Variants in ARMH3 observed in about 807,000 individuals in gnomAD.
ARMH3 encodes armadillo like helical domain containing 3, also known as armadillo-like helical domain-containing protein 3.
In ARMH3, 60 loss-of-function variants were observed where a neutral mutation model predicts 99.1. That is an observed-to-expected ratio of 0.61 (90% CI 0.49 to 0.75). The LOEUF is 0.75. Ranked by LOEUF, ARMH3 falls within the 30% of genes least tolerant of loss-of-function variation. The pLI, the probability that ARMH3 is intolerant of heterozygous loss-of-function variation, is 0.00. For synonymous variants in ARMH3, 285 were observed against 292.8 expected, an observed-to-expected ratio of 0.97 and a Z score of 0.27; for missense variants, 679 against 843.1, an observed-to-expected ratio of 0.81 and a Z score of 2.41.
chr10:101,916,093 A>T (rs1843076528), intron 23 of ARMH3, among the ~76,000 whole-genome samples: 1 of 152,086 alleles, frequency 6.6e-6, no homozygotes, highest in Non-Finnish European at 1.5e-5. Context: ...GTGAGCCAGC[A>T]CGCCTGGCCT....
chr10:101,849,972 G>A, intron 24 of ARMH3, 80 bp from the exon 25 acceptor site: 1 of 1,306,700 alleles, frequency 7.7e-7, no homozygotes, highest in Non-Finnish European at 1.1e-6. Flanking sequence ...GATCTACTGG[G>A]TTGGGTTTGG....
At chr10:102,031,705 G>C (rs1275016430) in intron 4 of ARMH3, among the ~76,000 whole-genome samples, 1 of 152,132 alleles carries the variant, frequency 6.6e-6, no homozygotes, top group Admixed American at 6.5e-5. Flanking sequence ...TCTATCACAA[G>C]TTCCAATAAA....
chr10:101,925,326 C>A (rs577806763), intron 23 of ARMH3, among the ~76,000 whole-genome samples: 2 of 152,264 alleles, frequency 1.3e-5, no homozygotes, highest in African/African-American at 4.8e-5. Flanking sequence ...TCACTGAATG[C>A]TTATTTGGTA....
intron 12 of ARMH3, 92 bp downstream of exon 12, chr10:102,009,885 G>T: frequency 8.3e-7 from 1 of 1,211,192 alleles, no homozygotes. Context: ...TTCTGTAAAA[G>T]ATTAGCAAGA....
intron 19 of ARMH3, among the ~76,000 whole-genome samples, chr10:101,979,461 C>T (rs1031368908): frequency 6.6e-6 from 1 of 152,040 alleles, no homozygotes; most frequent in Non-Finnish European, 1.5e-5. Flanking sequence ...TTTTTGTAGA[C>T]ATGGGTTATC....
At chr10:101,883,375 C>T (rs1185578431) in intron 24 of ARMH3, among the ~76,000 whole-genome samples, 1 of 151,938 alleles carries the variant, frequency 6.6e-6, no homozygotes, top group Non-Finnish European at 1.5e-5. Flanking sequence ...AATGATCACT[C>T]CATGCACTCC....
intron 23 of ARMH3, among the ~76,000 whole-genome samples, chr10:101,906,936 A>T (rs1842656643): frequency 6.6e-6 from 1 of 152,220 alleles, no homozygotes; most frequent in Admixed American, 6.5e-5. Context: ...TAGGAAAAAA[A>T]CAGTCACTTA....
intron 14 of ARMH3, among the ~76,000 whole-genome samples, chr10:102,003,168 T>C (rs1032543682): frequency 6.6e-6 from 1 of 151,670 alleles, no homozygotes; most frequent in African/African-American, 2.4e-5. Flanking sequence ...AACACAGTAT[T>C]TTCTTTTTTT....
intron 21 of ARMH3, 152 bp downstream of exon 21, chr10:101,957,498 G>A: frequency 1.4e-6 from 1 of 739,462 alleles, no homozygotes; most frequent in Non-Finnish European, 2.1e-6. Context: ...GTGAGAGTGG[G>A]GACCACCAGT....
chr10:101,927,890 T>C (rs1055972098), intron 23 of ARMH3, among the ~76,000 whole-genome samples: 3 of 152,076 alleles, frequency 2.0e-5, no homozygotes, highest in African/African-American at 4.8e-5. Context: ...CTGGCCAACA[T>C]AGTGAAACCC....
chr10:101,930,573 C>T (rs991657159), intron 23 of ARMH3, among the ~76,000 whole-genome samples: 4 of 152,156 alleles, frequency 2.6e-5, no homozygotes, highest in Non-Finnish European at 4.4e-5. Flanking sequence ...CATGGTCAGA[C>T]ATCTCCTCAA....
At position 101,948,897 on chromosome 10, in the gene ARMH3, T is replaced by C. The variant is rs574051956; in HGVS notation, c.1705+7700A>G. ...ATTGAAATAATACAAACAATATTCT[T>C]TGGCCAAAACAAAACTAAACTAGAA... On this transcript the variant is annotated intron_variant, in intron 22 of 25. Transcript: ENST00000370033. Among the ~76,000 whole-genome samples the C allele has an allele frequency of 8.1e-4, 123 of 152,166 alleles. 1 individual carries two copies. The highest frequency in any genetic ancestry group is 7.9e-3 in the South Asian group (38 of 4,826).
intron 24 of ARMH3, among the ~76,000 whole-genome samples, chr10:101,877,427 C>A (rs1157423015): frequency 6.6e-6 from 1 of 151,974 alleles, no homozygotes; most frequent in Non-Finnish European, 1.5e-5. Flanking sequence ...TTTGGGAGGC[C>A]GAGGCAGGCA....
At chr10:101,885,563 C>A (rs542903613) in intron 24 of ARMH3, among the ~76,000 whole-genome samples, 1 of 152,198 alleles carries the variant, frequency 6.6e-6, no homozygotes, top group Non-Finnish European at 1.5e-5. Context: ...CATTAAAGTA[C>A]CTAGAATAGT....
intron 24 of ARMH3, among the ~76,000 whole-genome samples, chr10:101,868,185 GA>G (rs1162980450): frequency 2.6e-5 from 4 of 152,136 alleles, no homozygotes; most frequent in African/African-American, 9.7e-5. Flanking sequence ...GGAATAAACA[GA>G]AGAAGACATG....
intron 20 of ARMH3, among the ~76,000 whole-genome samples, chr10:101,966,097 CTTTTCTTTTTT>C (rs1188276805): frequency 6.9e-6 from 1 of 143,966 alleles, no homozygotes; most frequent in East Asian, 2.0e-4. Flanking sequence ...TTTTCTTTTT[CTTTTCTTTTTT>C]TTTTTTTTTT....
intron 24 of ARMH3, among the ~76,000 whole-genome samples, chr10:101,886,073 G>A (rs2067534258): frequency 6.6e-6 from 1 of 150,912 alleles, no homozygotes; most frequent in Non-Finnish European, 1.5e-5. Context: ...AAAAAAGGGG[G>A]TTAAAATGGT....
At chr10:101,876,247 CAA>C (rs34928343) in intron 24 of ARMH3, among the ~76,000 whole-genome samples, 2 of 83,502 alleles carry the variant, frequency 2.4e-5, no homozygotes, top group African/African-American at 5.1e-5. Flanking sequence ...GGCTCCATCT[CAA>C]AAAAAAAAAA....
intron 23 of ARMH3, among the ~76,000 whole-genome samples, chr10:101,898,047 A>G (rs2067882804): frequency 6.6e-6 from 1 of 152,156 alleles, no homozygotes; most frequent in South Asian, 2.1e-4. Flanking sequence ...AAAGATAAGC[A>G]TGGAAATGTT....
Sources: gnomAD v4.1 joint callset for allele counts (sites outside exome capture counted in the v4.1 genomes callset) on GRCh38, gnomAD v4.1.1 for gene constraint, MANE v1.5 for transcripts, NCBI Gene and HGNC (gene_info 2026-07-23, HGNC 2026-07-21) for gene names.